DLGAP1: variants seen among roughly 807,000 people sequenced by gnomAD.
The protein encoded by DLGAP1 is DLG associated protein 1, also known as disks large-associated protein 1.
In DLGAP1, 11 loss-of-function variants were observed where a neutral mutation model predicts 90.8. The ratio of observed to expected loss-of-function variants is 0.12; its 90% CI spans 0.08 to 0.20. The LOEUF is 0.20. Among genes scored for constraint, DLGAP1 ranks in the 10% least tolerant of loss-of-function variants. DLGAP1 has a pLI of 1.00. For missense variants in DLGAP1, 1,050 were observed against 1,333.8 expected, an observed-to-expected ratio of 0.79 and a Z score of 3.31; for synonymous variants, 558 against 540.7, an observed-to-expected ratio of 1.03 and a Z score of -0.44.
intron 3 of DLGAP1, among the ~76,000 whole-genome samples, chr18:3,946,905 A>G (rs2072887961): frequency 6.6e-6 from 1 of 152,212 alleles, no homozygotes; most frequent in African/African-American, 2.4e-5. Flanking sequence ...TTTAGAACTT[A>G]CTGCTTTAAT....
At chr18:4,237,644 T>C (rs372243717) in intron 1 of DLGAP1, among the ~76,000 whole-genome samples, 117 of 152,054 alleles carry the variant, frequency 7.7e-4, no homozygotes, top group African/African-American at 2.7e-3. Flanking sequence ...TATCCAGAGT[T>C]AGTTTCTTTT....
rs569338420 is a variant in DLGAP1, at chr18:3,675,636, G to A, written c.1591+53499C>T. Among the ~76,000 whole-genome samples, 8 of 152,164 alleles carry A rather than the reference G, an allele frequency of 5.3e-5. No homozygotes were observed. In the East Asian group the frequency reaches 1.4e-3, roughly 26 times the overall value. On this transcript the variant is annotated intron_variant, in intron 7 of 12. Transcript: ENST00000315677. ...CTTTGCTCACTTCATCCACTCCAGC[G>A]GCCTCATCCTCCAGCTGACTCATCC...
At chr18:3,644,625 C>A (rs2059055846) in intron 7 of DLGAP1, among the ~76,000 whole-genome samples, 1 of 152,086 alleles carries the variant, frequency 6.6e-6, no homozygotes, top group South Asian at 2.1e-4. Flanking sequence ...GTCGGCCAGG[C>A]TGGTCTCGAA....
chr18:3,506,494 C>T (rs1454362814), intron 11 of DLGAP1, among the ~76,000 whole-genome samples: 3 of 100,686 alleles, frequency 3.0e-5, no homozygotes, highest in Non-Finnish European at 5.3e-5. Context: ...GCCTGGGCAA[C>T]AAGAGTGAGA....
At chr18:4,240,831 G>A (rs2145127064) in intron 1 of DLGAP1, among the ~76,000 whole-genome samples, 1 of 152,280 alleles carries the variant, frequency 6.6e-6, no homozygotes, top group East Asian at 1.9e-4. Context: ...ATCAACAAAT[G>A]ATGGGCTTCT....
intron 3 of DLGAP1, among the ~76,000 whole-genome samples, chr18:3,908,339 A>G (rs2071957383): frequency 6.6e-6 from 1 of 152,246 alleles, no homozygotes; most frequent in Non-Finnish European, 1.5e-5. Context: ...GCCATATAGG[A>G]TTAAAAGTAT....
At chr18:4,339,012 T>C (rs2081132758) in intron 1 of DLGAP1, among the ~76,000 whole-genome samples, 1 of 152,216 alleles carries the variant, frequency 6.6e-6, no homozygotes, top group Non-Finnish European at 1.5e-5. Flanking sequence ...AAAATAGTCA[T>C]TTAACACACC....
At chr18:4,420,011 C>T (rs1459799162) in intron 1 of DLGAP1, among the ~76,000 whole-genome samples, 2 of 152,004 alleles carry the variant, frequency 1.3e-5, no homozygotes, top group African/African-American at 4.8e-5. Flanking sequence ...GAAGTTAAAG[C>T]ATGGAAACAC....
rs2070919276 is a variant in DLGAP1 at position 3,874,150 on chromosome 18, A to G, written c.957+4962T>C. 1.9e-6 allele frequency: 3 copies of G among 1,549,930 alleles called. No individual in the cohort carries two copies. In the South Asian group the frequency reaches 3.6e-5, roughly 18 times the overall value. On this transcript the variant is annotated intron_variant, in intron 4 of 12. Transcript: ENST00000315677. The stretch of plus-strand genomic sequence containing the variant: ...ACAAAGTAATAAAAGAGTTATACCC[A>G]AACCTGGTCAGTCCTTCCATTTCTT...
At chr18:4,021,358 G>C (rs1295766197) in intron 2 of DLGAP1, among the ~76,000 whole-genome samples, 1 of 152,036 alleles carries the variant, frequency 6.6e-6, no homozygotes, top group Non-Finnish European at 1.5e-5. Flanking sequence ...GTGAGATCTG[G>C]TTGCTTAAAA....
chr18:3,735,270 A>C (rs1408280839), intron 6 of DLGAP1, among the ~76,000 whole-genome samples: 1 of 152,208 alleles, frequency 6.6e-6, no homozygotes, highest in Admixed American at 6.5e-5. Context: ...CCCAGGCTGG[A>C]GTGCAGTGGC....
At chr18:3,566,211 C>T (rs967726694) in intron 9 of DLGAP1, among the ~76,000 whole-genome samples, 2 of 152,000 alleles carry the variant, frequency 1.3e-5, no homozygotes, top group Admixed American at 6.6e-5. Flanking sequence ...TTAACTCAAG[C>T]CCCAAGAGTG....
intron 1 of DLGAP1, among the ~76,000 whole-genome samples, chr18:4,450,462 T>C (rs1221741789): frequency 6.6e-6 from 1 of 152,190 alleles, no homozygotes; most frequent in East Asian, 1.9e-4. Context: ...AAGCTGGAAA[T>C]GTGCCCAGAG....
At position 4,152,763 on chromosome 18, in the gene DLGAP1, G is replaced by A. The variant is rs372210454; in HGVS notation, c.-266-1476C>T. ...ATGACATAGAAGACAAAAATGAGAC[G>A]CCATCATCAAAAGCTTTTAGTCATA... On this transcript the variant is annotated intron_variant, in intron 1 of 12. Coordinates refer to ENST00000315677, the MANE Select transcript of DLGAP1 (RefSeq NM_004746.4). Among the ~76,000 whole-genome samples the A allele has an allele frequency of 6.6e-5, 10 of 152,124 alleles. No homozygotes were observed. In the East Asian group the frequency reaches 1.7e-3, roughly 26 times the overall value.
At chr18:3,606,731 A>G (rs2057344062) in intron 7 of DLGAP1, 1 of 152,202 alleles carries the variant, frequency 6.6e-6, no homozygotes, top group Admixed American at 6.5e-5. Flanking sequence ...GCTTCTCTGA[A>G]TTTTCCTATA....
intron 1 of DLGAP1, among the ~76,000 whole-genome samples, chr18:4,333,215 A>G (rs1442174018): frequency 6.6e-6 from 1 of 151,972 alleles, no homozygotes. Context: ...ATTTGAAGTC[A>G]GTTTGAGAGT....
chr18:4,419,061 TA>T (rs756696910), intron 1 of DLGAP1, among the ~76,000 whole-genome samples: 7 of 152,034 alleles, frequency 4.6e-5, no homozygotes, highest in African/African-American at 9.6e-5. Flanking sequence ...AATGGAGTGC[TA>T]AAAAAAATGT....
chr18:4,305,100 CAGGACCTGTGG>C (rs2080217549), intron 1 of DLGAP1, among the ~76,000 whole-genome samples: 1 of 152,032 alleles, frequency 6.6e-6, no homozygotes, highest in African/African-American at 2.4e-5. Context: ...TATCATGTGC[CAGGACCTGTGG>C]TGAGGACGCA....
At chr18:4,006,968 G>A (rs536830053) in intron 2 of DLGAP1, among the ~76,000 whole-genome samples, 17 of 152,214 alleles carry the variant, frequency 1.1e-4, no homozygotes, top group Middle Eastern at 3.4e-3. Context: ...ACAATGCAGT[G>A]TTCTATGAAG....
Sources: gnomAD v4.1 joint callset for allele counts (sites outside exome capture counted in the v4.1 genomes callset) on GRCh38, gnomAD v4.1.1 for gene constraint, MANE v1.5 for transcripts, NCBI Gene and HGNC (gene_info 2026-07-23, HGNC 2026-07-21) for gene names.